The following ZER1 variants were observed in gnomAD, a reference collection of about 807,000 sequenced individuals.
The protein encoded by ZER1 is zyg-11 related cell cycle regulator.
A neutral mutation model predicts 78.8 loss-of-function variants in ZER1; 11 were observed. The observed-to-expected ratio is 0.14, with a 90% CI of 0.09 to 0.23. The LOEUF (loss-of-function observed/expected upper bound fraction) is 0.23. Ranked by LOEUF, ZER1 falls within the 10% of genes least tolerant of loss-of-function variation. The probability of loss-of-function intolerance (pLI) is 1.00; values close to 1 mark genes in which losing one functional copy is unlikely to be tolerated. For missense variants in ZER1, 588 were observed against 996.9 expected (o/e 0.59, Z 5.52); for synonymous variants, 400 against 407.0 (o/e 0.98, Z 0.21).
chr9:128,750,661 A>T lies in ZER1; in HGVS notation c.1314T>A (p.Val438=), dbSNP rs760662567. Residue 438 remains valine (V), a synonymous_variant, in exon 8 of 16, where the codon GTT becomes GTA. Transcript: ENST00000291900. ...SEQSVKLRRQ[V]IQVVLNGMES... ...CCATGCCATTCAGCACCACCTGGATAACCTGCCGGCGCAGCTTCACACTCT... is the reference window on the plus strand; with the variant it reads ...CCATGCCATTCAGCACCACCTGGATTACCTGCCGGCGCAGCTTCACACTCT... 5.0e-6 allele frequency: 8 copies of T among 1,614,212 alleles called. No individual in the cohort carries two copies. The highest frequency in any genetic ancestry group is 6.8e-6 in the Non-Finnish European group (8 of 1,180,030).
Position 128,753,706 on chromosome 9 carries a change from C to A in ZER1, c.309+103G>T. 3 of 1,558,870 alleles carry A rather than the reference C, an allele frequency of 1.9e-6. No individual in the cohort carries two copies. The South Asian group carries it at 3.6e-5, about 19-fold the overall frequency. On this transcript the variant is annotated intron_variant, in intron 3 of 15. Coordinates refer to ENST00000291900, the MANE Select transcript of ZER1 (RefSeq NM_006336.4). The surrounding 1 kb of genome is among the most constrained non-coding windows in gnomAD (Gnocchi z 7.5). Reference sequence around the variant, plus strand: ...GGTTGGAAAGGGGGATGTGCACAGTCACGGTGCACACTGGCTGGGCTGGGG... The same window carrying A: ...GGTTGGAAAGGGGGATGTGCACAGTAACGGTGCACACTGGCTGGGCTGGGG...
chr9:128,750,050 G>GA (rs1863624620), intron 8 of ZER1, among the ~76,000 whole-genome samples: 1 of 151,964 alleles, frequency 6.6e-6, no homozygotes, highest in African/African-American at 2.4e-5. Flanking sequence ...TCTCAAAAAA[G>GA]AAAAAAATTG....
chr9:128,764,387 G>T (rs977709320), intron 1 of ZER1, among the ~76,000 whole-genome samples: 9 of 152,274 alleles, frequency 5.9e-5, no homozygotes, highest in Admixed American at 5.9e-4. Context: ...CTCTGAATGA[G>T]GGAGAGCCAC....
intron 1 of ZER1, among the ~76,000 whole-genome samples, chr9:128,758,346 G>A (rs910966229): frequency 3.3e-5 from 5 of 151,792 alleles, no homozygotes; most frequent in African/African-American, 4.8e-5. Context: ...GGCTGGTCTC[G>A]AACTCCTGAC....
chr9:128,731,142 CA>C lies in ZER1; in HGVS notation c.*194del, dbSNP rs976168144. On this transcript the variant is annotated 3_prime_UTR_variant, in exon 16 of 16. Transcript: ENST00000291900. ...CACACAAAACTTCACACTTCCTAACCAAAAAAAAAATATATATATATAATAT... is the reference window on the plus strand; with the variant it reads ...CACACAAAACTTCACACTTCCTAACCAAAAAAAAATATATATATATAATAT... The C allele has an allele frequency of 3.9e-3, 848 of 218,518 alleles. No homozygotes were observed. Among genetic ancestry groups the C allele is most frequent in the East Asian group, 5.8e-3 (63 of 10,918 alleles). The allele number at this position is 218,518 out of a possible 1,614,324, so 13.5% of individuals were successfully genotyped here.
chr9:128,750,960 T>C (rs370936243), intron 7 of ZER1, among the ~76,000 whole-genome samples, 162 bp downstream of exon 7: 1 of 152,156 alleles, frequency 6.6e-6, no homozygotes, highest in South Asian at 2.1e-4. Flanking sequence ...AGGCCAGTGC[T>C]GAAGCAAGTC....
chr9:128,759,388 G>T (rs920847561), intron 1 of ZER1, among the ~76,000 whole-genome samples: 2 of 150,888 alleles, frequency 1.3e-5, no homozygotes, highest in African/African-American at 4.9e-5. Context: ...TGTTGCTCAG[G>T]CTGGTCTCGA....
intron 1 of ZER1, among the ~76,000 whole-genome samples, chr9:128,767,204 A>G (rs1434107042): frequency 1.3e-5 from 2 of 152,094 alleles, no homozygotes; most frequent in Non-Finnish European, 2.9e-5. Context: ...CGGCCTCCCA[A>G]AGTGCTGGGA....
chr9:128,766,602 T>C (rs1292261512), intron 1 of ZER1, among the ~76,000 whole-genome samples: 1 of 151,908 alleles, frequency 6.6e-6, no homozygotes, highest in Admixed American at 6.6e-5. Context: ...TCCCAGCACT[T>C]TGGGAGGCCA....
In ZER1 at chr9:128,753,001, A is replaced by G. The variant is rs1188154930; in HGVS notation, c.747-152T>C. ...TGGGAAGAAACCCCAAACAGCCCCA[A>G]TCCAGCTGAAACACTGGGTTTAAGG... On this transcript the variant is annotated intron_variant, in intron 4 of 15. Transcript: ENST00000291900. The surrounding 1 kb of genome is among the most constrained non-coding windows in gnomAD (Gnocchi z 7.5). The G allele has an allele frequency of 8.0e-7, 1 of 1,256,224 alleles. No homozygotes were observed. Among genetic ancestry groups the G allele is most frequent in the Non-Finnish European group, 1.1e-6 (1 of 917,512 alleles). The allele number at this position is 1,256,224 out of a possible 1,614,324, so 77.8% of individuals were successfully genotyped here. A position where few individuals can be genotyped will look rare whatever the true frequency, so the allele number is the denominator to read the frequency against.
chr9:128,764,277 G>A (rs1864138928), intron 1 of ZER1, among the ~76,000 whole-genome samples: 2 of 152,220 alleles, frequency 1.3e-5, no homozygotes, highest in African/African-American at 4.8e-5. Context: ...TCTGCACGAG[G>A]CCTGGGAGGT....
At chr9:128,741,987 T>A in intron 9 of ZER1, 146 bp from the exon 10 acceptor site, 1 of 1,091,744 alleles carries the variant, frequency 9.2e-7, no homozygotes, top group Non-Finnish European at 1.4e-6. Context: ...TGGGGGAGGC[T>A]ATTTGAAGGC....
At chr9:128,731,437 T>TGGGGGGGTTTGGGG in intron 15 of ZER1, 43 bp from the exon 16 acceptor site, 2 of 451,606 alleles carry the variant, frequency 4.4e-6, no homozygotes, top group Non-Finnish European at 8.6e-6. Flanking sequence ...TGGGCTTGGG[T>TGGGGGGGTTTGGGG]GGGGGTGAGC....
intron 11 of ZER1, among the ~76,000 whole-genome samples, chr9:128,741,165 G>A (rs1285822202): frequency 6.6e-6 from 1 of 152,172 alleles, no homozygotes; most frequent in Non-Finnish European, 1.5e-5. Flanking sequence ...CAAAATACTA[G>A]TTTAAGGGAC....
chr9:128,739,948 C>G lies in ZER1; in HGVS notation c.2025G>C (p.Arg675=). Residue 675 remains arginine (R), a synonymous_variant, in exon 13 of 16, where the codon CGG becomes CGC. Coordinates refer to ENST00000291900, the MANE Select transcript of ZER1 (RefSeq NM_006336.4). The stretch of plus-strand genomic sequence containing the variant: ...GCCCACACCTGTAATTGATGTTTCT[C>G]CGAGAGTTTATGTCCCAGCTCTGGA... ...AAIQSWDINS[R]RNINYRSFEP... is the part of the protein sequence containing the mutation. The G allele has an allele frequency of 6.2e-7, 1 of 1,609,530 alleles. No homozygotes were observed. The highest frequency in any genetic ancestry group is 8.5e-7 in the Non-Finnish European group (1 of 1,176,086).
chr9:128,772,015 G>T (rs1864403639), upstream of ZER1: 1 of 152,278 alleles, frequency 6.6e-6, no homozygotes, highest in African/African-American at 2.4e-5. Flanking sequence ...GGCGGCGGCA[G>T]AAGGTTCCGG....
Position 128,740,898 on chromosome 9 carries a change from G to A in ZER1, c.1738-11C>T, listed in dbSNP as rs1464504993. On this transcript the variant is annotated splice_polypyrimidine_tract_variant and intron_variant, in intron 11 of 15. Coordinates refer to ENST00000291900, the MANE Select transcript of ZER1 (RefSeq NM_006336.4). This position sits in a 1 kb window ranked among gnomAD's most constrained non-coding sequence, Gnocchi z 4.4. ...CTTCTCTGGGAATTCCTGGGAAAAG[G>A]AGAGCCAATGGGCCGCATCAATTAG... 2.6e-6 allele frequency: 2 copies of A among 780,596 alleles called. No individual in the cohort carries two copies. Among genetic ancestry groups the A allele is most frequent in the Non-Finnish European group, 4.8e-6 (2 of 417,916 alleles). 48.4% of individuals were successfully genotyped at this position (780,596 alleles called of 1,614,324 possible).
At position 128,732,585 on chromosome 9, in the gene ZER1, C is replaced by T. The variant is rs529259207; in HGVS notation, c.2243+841G>A. ...GGGTTTTACCATGTTAGCCAGGTCT[C>T]GAACTCCTGACCTCAAGTGATGCAC... On this transcript the variant is annotated intron_variant, in intron 15 of 15. Transcript: ENST00000291900. This position sits in a 1 kb window ranked among gnomAD's most constrained non-coding sequence, Gnocchi z 4.8. Among the ~76,000 whole-genome samples the T allele has an allele frequency of 4.6e-5, 7 of 152,242 alleles. No individual in the cohort carries two copies. In the South Asian group the frequency reaches 8.3e-4, roughly 18 times the overall value.
chr9:128,751,589 C>A lies in ZER1; in HGVS notation c.924-62G>T, dbSNP rs1233297155. ...CCCAGGCCTGAGCTGGGCCTCCCCA[C>A]TGGGGGTGGTGAGGCATTTCCTTGC... On this transcript the variant is annotated intron_variant, in intron 5 of 15. Transcript: ENST00000291900. This position sits in a 1 kb window ranked among gnomAD's most constrained non-coding sequence, Gnocchi z 5.4. 1.5e-5 allele frequency: 21 copies of A among 1,435,534 alleles called. No homozygotes were observed. The highest frequency in any genetic ancestry group is 1.9e-5 in the Non-Finnish European group (20 of 1,031,200). The allele number at this position is 1,435,534 out of a possible 1,614,324, so 88.9% of individuals were successfully genotyped here.
Sources: allele counts gnomAD v4.1 joint callset (sites outside exome capture counted in the v4.1 genomes callset), GRCh38; gene constraint gnomAD v4.1.1; non-coding constraint Gnocchi (gnomAD v3.1); transcripts MANE v1.5; gene names NCBI Gene and HGNC (gene_info 2026-07-23, HGNC 2026-07-21).